PSME4: variants seen among roughly 807,000 people sequenced by gnomAD.
The protein encoded by PSME4 is proteasome activator subunit 4, also known as proteasome activator complex subunit 4.
Under a neutral mutation model 253.9 loss-of-function variants are expected in PSME4, and 89 were observed. The ratio of observed to expected loss-of-function variants is 0.35; its 90% CI spans 0.30 to 0.42. The LOEUF (loss-of-function observed/expected upper bound fraction) is 0.42, where lower values mean the gene tolerates loss of function less well. PSME4 is among the 10% of genes least tolerant of loss of function. PSME4 has a pLI of 1.00. For missense variants in PSME4, 2,014 were observed against 2,195.2 expected, an observed-to-expected ratio of 0.92 and a Z score of 1.65; for synonymous variants, 851 against 759.2, an observed-to-expected ratio of 1.12 and a Z score of -1.99.
chr2:53,908,354 C>T lies in PSME4; in HGVS notation c.2750G>A (p.Ser917Asn), dbSNP rs1667664346. Residue 917 changes from serine to asparagine, a missense_variant, in exon 24 of 47, where the codon AGC (serine) becomes AAC (asparagine). Coordinates refer to ENST00000404125, the MANE Select transcript of PSME4 (RefSeq NM_014614.3). ...CATTGATTTCTTTACTAAGTTGAAG[C>T]TTTTCCATCGGGAGTCAAATTCATG... is the stretch of plus-strand genomic sequence containing the variant. ...HKHEFDSRWK[S>N]FNLVKKSMEN... is the part of the protein sequence containing the mutation. 6.2e-7 allele frequency: 1 copy of T among 1,612,654 alleles called. No homozygotes were observed. Among genetic ancestry groups the T allele is most frequent in the African/African-American group, 1.3e-5 (1 of 74,890 alleles).
rs1273959688 is a variant in PSME4 at position 53,960,293 on chromosome 2, G to T, written c.242+10250C>A. Among the ~76,000 whole-genome samples, 4 of 152,078 alleles carry T rather than the reference G, an allele frequency of 2.6e-5. No individual in the cohort carries two copies. The East Asian group carries it at 7.7e-4, about 29-fold the overall frequency. ...GGGCGCCTGTAATCCTAGCTTCTTG[G>T]GAGGCTGAGGTGGGAGGATCACTTG... On this transcript the variant is annotated intron_variant, in intron 1 of 46. Transcript: ENST00000404125.
rs193131341 is a variant in PSME4 at position 53,903,957 on chromosome 2, G to A, written c.3075+68C>T. On this transcript the variant is annotated intron_variant, in intron 27 of 46. Coordinates refer to ENST00000404125, the MANE Select transcript of PSME4 (RefSeq NM_014614.3). ...GGTGAAGAAGATATGGATGTTTACC[G>A]TAGAATTTTTTCAGCTTTTCAGTAT... The A allele has an allele frequency of 6.9e-5, 92 of 1,338,732 alleles. 1 individual carries two copies. The African/African-American group carries it at 1.1e-3, about 16-fold the overall frequency. 82.9% of individuals were successfully genotyped at this position (1,338,732 alleles called of 1,614,324 possible).
At chr2:53,925,392 T>A (rs79829307) in intron 14 of PSME4, 147 bp downstream of exon 14, 2 of 805,654 alleles carry the variant, frequency 2.5e-6, no homozygotes, top group African/African-American at 1.7e-5. Context: ...AATTTGCAAA[T>A]AATGAGCAAC....
intron 11 of PSME4, 43 bp downstream of exon 11, chr2:53,928,074 C>A: frequency 6.7e-7 from 1 of 1,482,258 alleles, no homozygotes; most frequent in Non-Finnish European, 9.2e-7. Flanking sequence ...GTTTACTTTG[C>A]CTCCTACCTA....
At chr2:53,884,443 T>G (rs1417970468) in intron 41 of PSME4, among the ~76,000 whole-genome samples, 1 of 152,198 alleles carries the variant, frequency 6.6e-6, no homozygotes, top group Non-Finnish European at 1.5e-5. Context: ...TCTCTTGACC[T>G]TGTGATCCAC....
intron 26 of PSME4, 107 bp from the exon 27 acceptor site, chr2:53,904,263 TAAC>T (rs2104437887): frequency 4.2e-6 from 5 of 1,185,880 alleles, no homozygotes; most frequent in Non-Finnish European, 5.8e-6. Context: ...TTTTTCTCAT[TAAC>T]AAAATAAATT....
chr2:53,866,257 T>C, intron 45 of PSME4, 34 bp from the exon 46 acceptor site: 1 of 1,608,024 alleles, frequency 6.2e-7, no homozygotes. Context: ...CGTTTTAACC[T>C]CTCTGGACAA....
intron 20 of PSME4, 66 bp downstream of exon 20, chr2:53,919,081 AAACC>A: frequency 6.9e-7 from 1 of 1,441,962 alleles, no homozygotes; most frequent in Non-Finnish European, 9.5e-7. Flanking sequence ...TAACAACAAC[AAACC>A]AATAACTCAT....
intron 1 of PSME4, among the ~76,000 whole-genome samples, chr2:53,951,437 T>C (rs1472546720): frequency 6.6e-6 from 1 of 152,220 alleles, no homozygotes; most frequent in Non-Finnish European, 1.5e-5. Flanking sequence ...CTTCCAGAAA[T>C]TCTTCAAAAT....
chr2:53,890,256 T>A (rs1335500830), intron 36 of PSME4, 48 bp from the exon 37 acceptor site: 7 of 1,271,660 alleles, frequency 5.5e-6, no homozygotes, highest in Non-Finnish European at 7.9e-6. Flanking sequence ...ACTCAGAACA[T>A]TTTTCTTCAA....
At position 53,901,546 on chromosome 2, in the gene PSME4, C is replaced by A; in HGVS notation, c.3089G>T (p.Cys1030Phe). Residue 1030 changes from cysteine to phenylalanine, a missense_variant, in exon 28 of 47, where the codon TGT becomes TTT. Cys to Phe is a radical substitution (Grantham distance 205). Coordinates refer to ENST00000404125, the MANE Select transcript of PSME4 (RefSeq NM_014614.3). ...TQQQFKGALY[C>F]LLGNHSGVCL... ...CACACCACTGTGATTTCCAAGGAGACAGTACAAGGCACCCTGCAGAAAAAA... is the reference window on the plus strand; with the variant it reads ...CACACCACTGTGATTTCCAAGGAGAAAGTACAAGGCACCCTGCAGAAAAAA... 1 of 1,604,886 alleles carries A rather than the reference C, an allele frequency of 6.2e-7. No homozygotes were observed. The highest frequency in any genetic ancestry group is 8.5e-7 in the Non-Finnish European group (1 of 1,173,400).
chr2:53,866,118 G>A lies in PSME4; in HGVS notation c.5503C>T (p.Leu1835Phe), dbSNP rs1678553072. 6.2e-7 allele frequency: 1 copy of A among 1,613,120 alleles called. No homozygotes were observed. ...TDDQLLVLTD[L>F]LVSPCYYA Reference sequence around the variant, plus strand: ...GCATAATAGCATGGTGACACAAGAAGATCGGTGAGAACAAGCAGTTGGTCA... The same window carrying A: ...GCATAATAGCATGGTGACACAAGAAAATCGGTGAGAACAAGCAGTTGGTCA... Residue 1835 changes from leucine to phenylalanine, a missense_variant, in exon 46 of 47, where the codon CTT becomes TTT. By Grantham distance (22) the Leu-to-Phe change is conservative (BLOSUM62 0). This residue lies in a region of PSME4 where 403 missense variants were observed against 556.1 expected (regional missense o/e 0.72). Coordinates refer to ENST00000404125, the MANE Select transcript of PSME4 (RefSeq NM_014614.3).
rs753222920 is a variant in PSME4, at chr2:53,887,349, C to A, written c.4639G>T (p.Val1547Leu). 3 of 1,613,916 alleles carry A rather than the reference C, an allele frequency of 1.9e-6. No homozygotes were observed. Among genetic ancestry groups the A allele is most frequent in the Non-Finnish European group, 2.5e-6 (3 of 1,179,832 alleles). ...ILEKLKPLMD[V>L]DEEIQNHVME... ...ACATGGTTCTGAATTTCTTCATCCA[C>A]ATCCATGAGAGGTTTCAATTTCTCC... Residue 1547 changes from valine to leucine, a missense_variant, in exon 40 of 47, where the codon GTG becomes TTG. By Grantham distance (32) the Val-to-Leu change is conservative. This residue lies in a region of PSME4 where 403 missense variants were observed against 556.1 expected (regional missense o/e 0.72). Transcript: ENST00000404125.
chr2:53,900,671 T>C (rs1680356313), intron 28 of PSME4, among the ~76,000 whole-genome samples: 1 of 152,192 alleles, frequency 6.6e-6, no homozygotes, highest in Non-Finnish European at 1.5e-5. Flanking sequence ...CAATTAAAAT[T>C]TTTCTTCTAA....
intron 1 of PSME4, among the ~76,000 whole-genome samples, chr2:53,966,037 C>T (rs1670719073): frequency 6.6e-6 from 1 of 152,128 alleles, no homozygotes; most frequent in South Asian, 2.1e-4. Flanking sequence ...AATCCCAGCA[C>T]CTTGGGAGGC....
chr2:53,940,966 T>TATATACATATTTAA (rs1669406969), intron 3 of PSME4, among the ~76,000 whole-genome samples: 2 of 67,814 alleles, frequency 2.9e-5, no homozygotes, highest in African/African-American at 1.0e-4. Flanking sequence ...TATATATATA[T>TATATACATATTTAA]ATATATATAT....
intron 34 of PSME4, among the ~76,000 whole-genome samples, chr2:53,894,170 C>A (rs1382672272): frequency 6.6e-6 from 1 of 152,150 alleles, no homozygotes; most frequent in African/African-American, 2.4e-5. Context: ...TTACCTAACA[C>A]CAGAAGTTAA....
At chr2:53,949,877 T>C (rs1669895840) in intron 1 of PSME4, among the ~76,000 whole-genome samples, 2 of 152,208 alleles carry the variant, frequency 1.3e-5, no homozygotes, top group Non-Finnish European at 2.9e-5. Context: ...TTAATGACAA[T>C]TTTTAAAAAT....
intron 1 of PSME4, among the ~76,000 whole-genome samples, chr2:53,962,725 G>A (rs1670544291): frequency 6.6e-6 from 1 of 152,110 alleles, no homozygotes; most frequent in Non-Finnish European, 1.5e-5. Flanking sequence ...ACTGAATAAA[G>A]CACACAGCTG....
Sources: gnomAD v4.1 joint callset for allele counts (sites outside exome capture counted in the v4.1 genomes callset) on GRCh38, gnomAD v4.1.1 for gene constraint, gnomAD v4.1.1 regional missense constraint, MANE v1.5 for transcripts, NCBI Gene and HGNC (gene_info 2026-07-23, HGNC 2026-07-21) for gene names.